Variants in TBX10 observed in about 807,000 individuals in gnomAD.
The protein encoded by TBX10 is T-box transcription factor TBX10.
In TBX10, 26 loss-of-function variants were observed where a neutral mutation model predicts 32.4. That is an observed-to-expected ratio of 0.80 (90% CI 0.59 to 1.11). The LOEUF is 1.11. Ranked by LOEUF, TBX10 falls within the 50% of genes most tolerant of loss-of-function variation. The probability of loss-of-function intolerance (pLI) is 0.00; values close to 1 mark genes in which losing one functional copy is unlikely to be tolerated. For missense variants in TBX10, 490 were observed against 494.5 expected (o/e 0.99, Z 0.09); for synonymous variants, 195 against 203.1 (o/e 0.96, Z 0.34).
chr11:67,636,298 G>C (rs1423797514), intron 1 of TBX10, among the ~76,000 whole-genome samples: 1 of 149,700 alleles, frequency 6.7e-6, no homozygotes, highest in African/African-American at 2.5e-5. Flanking sequence ...GCCCAGGCTG[G>C]TCTTGAATTC....
Position 67,631,573 on chromosome 11 carries a change from G to A in TBX10, c.*32C>T, listed in dbSNP as rs768981256. On this transcript the variant is annotated 3_prime_UTR_variant, in exon 8 of 8. Coordinates refer to ENST00000335385, the MANE Select transcript of TBX10 (RefSeq NM_005995.5). ...TTCCCACACCCGGTGTAAGGTCCAG[G>A]GTAGCAGGGCTTCCCCCCAGGGCTT... is the stretch of plus-strand genomic sequence containing the variant. 9.5e-6 allele frequency: 15 copies of A among 1,574,116 alleles called. No homozygotes were observed. The highest frequency in any genetic ancestry group is 1.1e-5 in the Non-Finnish European group (13 of 1,167,406).
At chr11:67,633,664 G>C (rs1855274908) in intron 4 of TBX10, among the ~76,000 whole-genome samples, 1 of 152,200 alleles carries the variant, frequency 6.6e-6, no homozygotes. Flanking sequence ...CCTCTGACGG[G>C]CATGGGCCGC....
upstream of TBX10, among the ~76,000 whole-genome samples, chr11:67,640,284 C>T (rs1327001874): frequency 6.6e-6 from 1 of 152,224 alleles, no homozygotes; most frequent in Non-Finnish European, 1.5e-5. Flanking sequence ...CTGGCAGGTC[C>T]CACAGTCTCC....
At chr11:67,636,074 T>C (rs1472391088) in intron 1 of TBX10, among the ~76,000 whole-genome samples, 1 of 30,648 alleles carries the variant, frequency 3.3e-5, no homozygotes, top group Non-Finnish European at 8.5e-5. Context: ...TTAGAACTCC[T>C]TTTTTTTTTT....
At chr11:67,637,119 G>A (rs1280409385) in intron 1 of TBX10, among the ~76,000 whole-genome samples, 3 of 152,228 alleles carry the variant, frequency 2.0e-5, no homozygotes, top group Non-Finnish European at 2.9e-5. Context: ...CTCATAGGCC[G>A]TACGTGGTGA....
rs959425710 is a variant in TBX10 at position 67,639,680 on chromosome 11, G to C, written c.-208C>G. On this transcript the variant is annotated 5_prime_UTR_variant, in exon 1 of 8. Coordinates refer to ENST00000335385, the MANE Select transcript of TBX10 (RefSeq NM_005995.5). ...TCCTGAGGTCGTGGTCTTCCTACTCGAGCTGGACCCCTGGTCTCCGAAGGT... is the reference window on the plus strand; with the variant it reads ...TCCTGAGGTCGTGGTCTTCCTACTCCAGCTGGACCCCTGGTCTCCGAAGGT... The C allele has an allele frequency of 2.3e-5, 15 of 661,592 alleles. No individual in the cohort carries two copies. Among genetic ancestry groups the C allele is most frequent in the African/African-American group, 1.8e-4 (10 of 56,318 alleles). The allele number at this position is 661,592 out of a possible 1,614,324, so 41.0% of individuals were successfully genotyped here. A position where few individuals can be genotyped will look rare whatever the true frequency, so the allele number is the denominator to read the frequency against.
At chr11:67,639,772 C>T (rs1286494446), upstream of TBX10, among the ~76,000 whole-genome samples, 1 of 152,218 alleles carries the variant, frequency 6.6e-6, no homozygotes, top group Non-Finnish European at 1.5e-5. Flanking sequence ...CTGTCCAAGG[C>T]TGTGCGGGAG....
chr11:67,635,392 C>G, intron 1 of TBX10, 129 bp from the exon 2 acceptor site: 1 of 1,321,228 alleles, frequency 7.6e-7, no homozygotes. Context: ...CTCACAGGAT[C>G]CCCCACTCAG....
intron 3 of TBX10, 69 bp downstream of exon 3, chr11:67,634,747 G>T: frequency 1.3e-6 from 2 of 1,488,268 alleles, no homozygotes; most frequent in Non-Finnish European, 9.4e-7. Flanking sequence ...ACCTTGGGGT[G>T]CAGGAAGGGT....
rs373969860 is a variant in TBX10 at position 67,634,173 on chromosome 11, G to A, written c.549+16C>T. 2.5e-5 allele frequency: 41 copies of A among 1,611,434 alleles called. No individual in the cohort carries two copies. The highest frequency in any genetic ancestry group is 7.7e-5 in the South Asian group (7 of 91,084). On this transcript the variant is annotated intron_variant, in intron 4 of 7. Transcript: ENST00000335385. ...GACCCCAGGCCCTTCCGTCCCCACC[G>A]TGGCCCCGGCCTCACGTGGCCATTG...
At position 67,631,775 on chromosome 11, in the gene TBX10, G is replaced by C; in HGVS notation, c.988C>G (p.Leu330Val). 1 of 1,603,858 alleles carries C rather than the reference G, an allele frequency of 6.2e-7. No individual in the cohort carries two copies. Among genetic ancestry groups the C allele is most frequent in the Non-Finnish European group, 8.5e-7 (1 of 1,175,724 alleles). ...ATYRPVTYQSLYSGAPSHLGI... is the reference protein window; with the variant it reads ...ATYRPVTYQSVYSGAPSHLGI... ...AGGTGGCTCGGGGCTCCAGAGTACA[G>C]GCTCTGATACGTGACAGGCCTGTAG... Residue 330 changes from leucine (L) to valine (V), a missense_variant, in exon 8 of 8, where the codon CTG becomes GTG. Leu to Val is a conservative substitution (Grantham distance 32). Transcript: ENST00000335385.
Position 67,637,935 on chromosome 11 carries a change from C to T in TBX10, c.7+1531G>A, listed in dbSNP as rs572202036. Among the ~76,000 whole-genome samples, 14 of 152,252 alleles carry T rather than the reference C, an allele frequency of 9.2e-5. No individual in the cohort carries two copies. The East Asian group carries it at 1.9e-3, about 21-fold the overall frequency. On this transcript the variant is annotated intron_variant, in intron 1 of 7. Transcript: ENST00000335385. ...AAAAATGGTTAAGGTGGGCCGGGCG[C>T]GGTGGCTCATGCCTGTAATCCCAGC...
intron 1 of TBX10, among the ~76,000 whole-genome samples, chr11:67,638,295 A>T (rs2361136): frequency 0.19 from 29,159 of 151,998 alleles, 2,850 homozygotes; most frequent in Non-Finnish European, 0.21. Flanking sequence ...TTACAATTAA[A>T]ATGTTTTAAA....
chr11:67,641,684 G>A (rs1855408613), upstream of TBX10, among the ~76,000 whole-genome samples: 1 of 152,228 alleles, frequency 6.6e-6, no homozygotes, highest in Non-Finnish European at 1.5e-5. Context: ...GACTCCAGCA[G>A]CCCCAGATGT....
intron 1 of TBX10, among the ~76,000 whole-genome samples, chr11:67,638,210 A>AAAAAAAAAAAATAAAT (rs150381931): frequency 6.7e-6 from 1 of 149,700 alleles, no homozygotes; most frequent in African/African-American, 2.5e-5. Flanking sequence ...TCTGTCTCAA[A>AAAAAAAAAAAATAAAT]AAATAAATAA....
At chr11:67,637,496 A>T (rs1312162065) in intron 1 of TBX10, among the ~76,000 whole-genome samples, 4 of 152,194 alleles carry the variant, frequency 2.6e-5, no homozygotes, top group Non-Finnish European at 5.9e-5. Flanking sequence ...CCGGAACGGG[A>T]CCTCACATTC....
intron 1 of TBX10, 73 bp downstream of exon 1, chr11:67,639,393 T>TTCCCCCCTCCCC: frequency 1.4e-6 from 1 of 726,926 alleles, no homozygotes; most frequent in South Asian, 1.4e-5. Flanking sequence ...CTGTCTTGGT[T>TTCCCCCCTCCCC]CCCACCCTGC....
At position 67,635,357 on chromosome 11, in the gene TBX10, C is replaced by T. The variant is rs577328216; in HGVS notation, c.8-94G>A. The T allele has an allele frequency of 3.1e-4, 478 of 1,546,968 alleles. 5 individuals carry two copies. In the South Asian group the frequency reaches 5.2e-3, roughly 17 times the overall value. On this transcript the variant is annotated intron_variant, in intron 1 of 7. Coordinates refer to ENST00000335385, the MANE Select transcript of TBX10 (RefSeq NM_005995.5). ...CTATATGCCTCTTCCTCCAGGAAGC[C>T]CTCCCTGACTGCCAGGGCTGTGTTC... is the stretch of plus-strand genomic sequence containing the variant.
intron 1 of TBX10, among the ~76,000 whole-genome samples, chr11:67,637,492 C>T (rs776361505): frequency 1.1e-4 from 16 of 152,264 alleles, no homozygotes; most frequent in East Asian, 3.9e-4. Flanking sequence ...TTGGCCGGAA[C>T]GGGACCTCAC....
Sources: allele counts gnomAD v4.1 joint callset (sites outside exome capture counted in the v4.1 genomes callset), GRCh38; gene constraint gnomAD v4.1.1; transcripts MANE v1.5; gene names NCBI Gene and HGNC (gene_info 2026-07-23, HGNC 2026-07-21).